The following CLEC16A variants were observed in gnomAD, a reference collection of about 807,000 sequenced individuals.
The protein encoded by CLEC16A is C-type lectin domain containing 16A, also known as protein CLEC16A.
CLEC16A carries 51 observed loss-of-function variants against 109.5 expected under a neutral mutation model. The observed-to-expected ratio is 0.47, with a 90% CI of 0.37 to 0.59. The LOEUF is 0.59. Ranked by LOEUF, CLEC16A falls within the 20% of genes least tolerant of loss-of-function variation. The pLI, the probability that CLEC16A is intolerant of heterozygous loss-of-function variation, is 0.00. For synonymous variants in CLEC16A, 673 were observed against 564.2 expected, an observed-to-expected ratio of 1.19 and a Z score of -2.73; for missense variants, 1,339 against 1,394.0, an observed-to-expected ratio of 0.96 and a Z score of 0.63.
At chr16:11,157,310 A>C (rs1289371380) in intron 22 of CLEC16A, 1 of 1,031,192 alleles carries the variant, frequency 9.7e-7, no homozygotes, top group Non-Finnish European at 1.2e-6. Context: ...CCATACGAAC[A>C]TCCCTTCCCC....
At chr16:11,089,225 A>G (rs1476176768) in intron 19 of CLEC16A, among the ~76,000 whole-genome samples, 1 of 152,204 alleles carries the variant, frequency 6.6e-6, no homozygotes, top group Non-Finnish European at 1.5e-5. Context: ...AGTAGTTTTT[A>G]CATGAATGGG....
chr16:10,999,157 G>A lies in CLEC16A; in HGVS notation c.1072-3917G>A, dbSNP rs561275017. 3.3e-5 allele frequency among the ~76,000 whole-genome samples: 5 copies of A among 152,250 alleles called. No individual in the cohort carries two copies. In the South Asian group the frequency reaches 8.3e-4, roughly 25 times the overall value. The stretch of plus-strand genomic sequence containing the variant: ...TCACTGTGTGGCCCCGGCTGGTCTT[G>A]AACTACTGGGCTCAAGGAATCCTCC... On this transcript the variant is annotated intron_variant, in intron 10 of 23. Transcript: ENST00000409790.
intron 10 of CLEC16A, among the ~76,000 whole-genome samples, chr16:10,986,299 A>G (rs955179471): frequency 2.4e-4 from 37 of 151,920 alleles, no homozygotes; most frequent in Non-Finnish European, 4.3e-4. Flanking sequence ...CAAAGTGCTG[A>G]GATTACAGGC....
At chr16:10,965,903 A>T (rs964046060) in intron 3 of CLEC16A, among the ~76,000 whole-genome samples, 6 of 152,300 alleles carry the variant, frequency 3.9e-5, no homozygotes, top group South Asian at 2.1e-4. Flanking sequence ...GCTCCAGGGT[A>T]CAGCTGAGAG....
intron 18 of CLEC16A, among the ~76,000 whole-genome samples, chr16:11,058,772 G>A (rs913743550): frequency 1.3e-5 from 2 of 152,180 alleles, no homozygotes; most frequent in Non-Finnish European, 2.9e-5. Flanking sequence ...AAAGCCACAC[G>A]TTTCTGTTTT....
chr16:11,111,061 T>C (rs2051552949), intron 19 of CLEC16A, among the ~76,000 whole-genome samples: 1 of 152,152 alleles, frequency 6.6e-6, no homozygotes, highest in Admixed American at 6.5e-5. Context: ...TCCTGAGTTG[T>C]TTCTCTAGGC....
chr16:10,976,698 C>G (rs1030879954), intron 7 of CLEC16A, among the ~76,000 whole-genome samples: 1 of 152,212 alleles, frequency 6.6e-6, no homozygotes, highest in African/African-American at 2.4e-5. Flanking sequence ...GACATTACCC[C>G]CTGGCCCCCC....
chr16:11,076,296 A>C (rs1306495678), intron 19 of CLEC16A, among the ~76,000 whole-genome samples: 1 of 152,116 alleles, frequency 6.6e-6, no homozygotes, highest in African/African-American at 2.4e-5. Flanking sequence ...CACCGGCTTC[A>C]GGGTGCCCCA....
At chr16:10,983,059 C>T in intron 10 of CLEC16A, 68 bp downstream of exon 10, 2 of 890,330 alleles carry the variant, frequency 2.2e-6, no homozygotes, top group East Asian at 2.5e-5. Context: ...CTGTGTGTTT[C>T]TCTAAAATCA....
chr16:11,082,608 G>A (rs1052251566), intron 19 of CLEC16A, among the ~76,000 whole-genome samples: 11 of 152,286 alleles, frequency 7.2e-5, no homozygotes, highest in East Asian at 5.8e-4. Context: ...TTCAGCAGCC[G>A]TTTATGGAGG....
intron 10 of CLEC16A, among the ~76,000 whole-genome samples, chr16:10,985,209 A>AC (rs1269261298): frequency 7.6e-6 from 1 of 130,840 alleles, no homozygotes; most frequent in African/African-American, 3.3e-5. Flanking sequence ...TCTCAAAAAA[A>AC]AAAAAAAAAA....
At chr16:11,167,180 T>C (rs1597618410) in intron 23 of CLEC16A, among the ~76,000 whole-genome samples, 1 of 152,158 alleles carries the variant, frequency 6.6e-6, no homozygotes, top group East Asian at 1.9e-4. Context: ...CTATTCGCTG[T>C]GTGAGATGTG....
chr16:10,962,310 C>T (rs2042286232), intron 2 of CLEC16A, 145 bp from the exon 3 acceptor site: 9 of 824,724 alleles, frequency 1.1e-5, no homozygotes, highest in Admixed American at 2.4e-5. Flanking sequence ...CCAGTTGTGG[C>T]GGGTGACAAT....
At chr16:11,112,558 A>G (rs1175074774) in intron 19 of CLEC16A, among the ~76,000 whole-genome samples, 3 of 151,294 alleles carry the variant, frequency 2.0e-5, no homozygotes, top group African/African-American at 7.3e-5. Flanking sequence ...CTAGCTACTT[A>G]GAAGGCTGAG....
At chr16:11,167,677 A>G (rs2068327964) in intron 23 of CLEC16A, among the ~76,000 whole-genome samples, 1 of 152,048 alleles carries the variant, frequency 6.6e-6, no homozygotes, top group Non-Finnish European at 1.5e-5. Flanking sequence ...TGCACTTCAT[A>G]TTGACTTCAC....
chr16:11,136,711 G>A (rs1333409527), intron 22 of CLEC16A, among the ~76,000 whole-genome samples: 1 of 152,212 alleles, frequency 6.6e-6, no homozygotes, highest in Non-Finnish European at 1.5e-5. Context: ...ACACAGAAGA[G>A]ATCCTGTAAT....
intron 10 of CLEC16A, among the ~76,000 whole-genome samples, chr16:10,986,731 A>ATGTGTGTGTGTGTG (rs59931468): frequency 0.03 from 4,538 of 150,078 alleles, 265 homozygotes; most frequent in African/African-American, 0.11. Context: ...TTAAGGCTCA[A>ATGTGTGTGTGTGTG]TGTGTGTGTG....
At chr16:10,994,399 C>T (rs969982782) in intron 10 of CLEC16A, among the ~76,000 whole-genome samples, 1 of 152,208 alleles carries the variant, frequency 6.6e-6, no homozygotes, top group Non-Finnish European at 1.5e-5. Context: ...CTGGTGCTTG[C>T]TTGCCAATCA....
chr16:11,002,121 C>A (rs991071321), intron 10 of CLEC16A, among the ~76,000 whole-genome samples: 3 of 152,196 alleles, frequency 2.0e-5, no homozygotes, highest in Admixed American at 6.5e-5. Context: ...CACCTCCTGG[C>A]TGTGTGACCT....
Sources: allele counts gnomAD v4.1 joint callset (sites outside exome capture counted in the v4.1 genomes callset), GRCh38; gene constraint gnomAD v4.1.1; transcripts MANE v1.5; gene names NCBI Gene and HGNC (gene_info 2026-07-23, HGNC 2026-07-21).